The following SGCZ variants were observed in gnomAD, a reference collection of about 807,000 sequenced individuals.
SGCZ encodes zeta-sarcoglycan.
A neutral mutation model predicts 41.3 loss-of-function variants in SGCZ; 40 were observed. The observed-to-expected ratio is 0.97, with a 90% CI of 0.75 to 1.26. The LOEUF is 1.26. Ranked by LOEUF, SGCZ falls within the 50% of genes most tolerant of loss-of-function variation. The pLI is 0.00. For synonymous variants in SGCZ, 206 were observed against 137.5 expected (o/e 1.50, Z -3.49); for missense variants, 552 against 369.8 (o/e 1.49, Z -4.04).
At chr8:14,114,388 T>C (rs976215514) in intron 5 of SGCZ, among the ~76,000 whole-genome samples, 20 of 151,974 alleles carry the variant, frequency 1.3e-4, no homozygotes, top group African/African-American at 4.1e-4. Flanking sequence ...GATTTTTTTC[T>C]AGTGAAACAG....
intron 2 of SGCZ, among the ~76,000 whole-genome samples, chr8:14,454,249 T>G (rs1800679597): frequency 6.6e-6 from 1 of 152,168 alleles, no homozygotes; most frequent in South Asian, 2.1e-4. Flanking sequence ...GAATCTCATT[T>G]TGGGTAGTGG....
At chr8:14,492,115 C>T (rs141021630) in intron 2 of SGCZ, among the ~76,000 whole-genome samples, 76 of 152,006 alleles carry the variant, frequency 5.0e-4, no homozygotes, top group African/African-American at 1.2e-3. Context: ...TTACATAAAG[C>T]GAGAGAATAA....
rs570385712 is a variant in SGCZ, at chr8:15,231,646, G to C, written c.39+5939C>G. On this transcript the variant is annotated intron_variant, in intron 1 of 7. Transcript: ENST00000382080. ...TTTTTTTTTTTTTTTTTTGGAGACA[G>C]GTTCTCACTCTGTCACCCAGGCTGG... is the stretch of plus-strand genomic sequence containing the variant. Among the ~76,000 whole-genome samples, 678 of 118,906 alleles carry C rather than the reference G, an allele frequency of 5.7e-3. 4 individuals are homozygous for C. Among genetic ancestry groups the C allele is most frequent in the African/African-American group, 0.021 (637 of 30,400 alleles). 78.0% of individuals were successfully genotyped at this position (118,906 alleles called of 152,430 possible).
At chr8:14,401,956 C>T (rs1799088844) in intron 2 of SGCZ, among the ~76,000 whole-genome samples, 1 of 151,482 alleles carries the variant, frequency 6.6e-6, no homozygotes, top group Admixed American at 6.6e-5. Flanking sequence ...CCTGTTGTTT[C>T]CTGACTTTTT....
intron 1 of SGCZ, among the ~76,000 whole-genome samples, chr8:15,186,302 T>TAAAAAAAAAAAA (rs1800342203): frequency 1.0e-5 from 1 of 96,602 alleles, no homozygotes; most frequent in Non-Finnish European, 2.2e-5. Flanking sequence ...AAAAAAAAAG[T>TAAAAAAAAAAAA]TAATTTCTCT....
chr8:14,420,188 T>C (rs1012118532), intron 2 of SGCZ, among the ~76,000 whole-genome samples: 1 of 152,068 alleles, frequency 6.6e-6, no homozygotes, highest in African/African-American at 2.4e-5. Context: ...TATTACCCAG[T>C]AATTTGACTC....
At chr8:14,527,029 A>G (rs1802970516) in intron 2 of SGCZ, among the ~76,000 whole-genome samples, 1 of 151,586 alleles carries the variant, frequency 6.6e-6, no homozygotes, top group Non-Finnish European at 1.5e-5. Flanking sequence ...ATTCTGAGAC[A>G]TCTCGTCAAT....
chr8:15,150,036 TCAAA>T (rs1799135626), intron 1 of SGCZ, among the ~76,000 whole-genome samples: 1 of 152,128 alleles, frequency 6.6e-6, no homozygotes. Context: ...AAGCAAGCTG[TCAAA>T]CAGCCACCTG....
At chr8:14,166,570 C>G (rs2116989435) in intron 4 of SGCZ, among the ~76,000 whole-genome samples, 1 of 152,238 alleles carries the variant, frequency 6.6e-6, no homozygotes, top group Middle Eastern at 3.4e-3. Flanking sequence ...ATTTACAGTA[C>G]ATTGCTTCCT....
Position 14,962,044 on chromosome 8 carries a change from T to C in SGCZ, c.39+275541A>G, listed in dbSNP as rs115920937. On this transcript the variant is annotated intron_variant, in intron 1 of 7. Coordinates refer to ENST00000382080, the MANE Select transcript of SGCZ (RefSeq NM_139167.4). ...TAATCTGAAAAACTTTAAGACCAAG[T>C]AATAAGCATTCAATAAACATAGGAC... 4.7e-3 allele frequency among the ~76,000 whole-genome samples: 721 copies of C among 152,232 alleles called. 3 individuals are homozygous for C. The highest frequency in any genetic ancestry group is 0.016 in the African/African-American group (676 of 41,548).
chr8:14,778,287 A>C (rs920756874), intron 1 of SGCZ, among the ~76,000 whole-genome samples: 3 of 152,254 alleles, frequency 2.0e-5, no homozygotes, highest in Non-Finnish European at 2.9e-5. Flanking sequence ...TAAGGTGAAA[A>C]ACTGTCACCC....
chr8:14,800,764 T>G (rs1801296457), intron 1 of SGCZ, among the ~76,000 whole-genome samples: 1 of 152,196 alleles, frequency 6.6e-6, no homozygotes, highest in Admixed American at 6.5e-5. Context: ...CATTTTTTCT[T>G]TATAAATTAC....
chr8:14,760,315 A>T (rs113458293), intron 1 of SGCZ, among the ~76,000 whole-genome samples: 2,203 of 152,324 alleles, frequency 0.014, 24 homozygotes, highest in Middle Eastern at 0.02. Flanking sequence ...TAAATAATTC[A>T]TGGATGCTAT....
At chr8:14,841,286 T>A (rs1417969529) in intron 1 of SGCZ, among the ~76,000 whole-genome samples, 3 of 152,202 alleles carry the variant, frequency 2.0e-5, no homozygotes, top group Middle Eastern at 3.4e-3. Flanking sequence ...CTACAAGCAC[T>A]GGCTCCAAAG....
intron 2 of SGCZ, among the ~76,000 whole-genome samples, chr8:14,461,313 A>G (rs915396496): frequency 1.3e-5 from 2 of 152,154 alleles, no homozygotes; most frequent in Non-Finnish European, 2.9e-5. Flanking sequence ...TAGTTTTAGC[A>G]TTCTGTTCTA....
intron 3 of SGCZ, among the ~76,000 whole-genome samples, chr8:14,240,327 C>CAAAAAAAAAAAAAAAAAAAAAAAAAAAAA (rs59351247): frequency 2.2e-4 from 25 of 115,230 alleles, no homozygotes; most frequent in Non-Finnish European, 2.8e-4. Context: ...AACTCTGTGT[C>CAAAAAAAAAAAAAAAAAAAAAAAAAAAAA]AAAAAAAAAA....
rs193153049 is a variant in SGCZ at position 14,398,467 on chromosome 8, C to A, written c.235-74263G>T. ...AACCATTTATTCATAACGTGGCCAG[C>A]CTTTGGCCAACAATTATAGAACTTT... On this transcript the variant is annotated intron_variant, in intron 2 of 7. Transcript: ENST00000382080. Among the ~76,000 whole-genome samples, 32 of 152,152 alleles carry A rather than the reference C, an allele frequency of 2.1e-4. No individual in the cohort carries two copies. The East Asian group carries it at 3.9e-3, about 18-fold the overall frequency.
At chr8:15,129,930 G>A (rs1293355055) in intron 1 of SGCZ, among the ~76,000 whole-genome samples, 1 of 151,812 alleles carries the variant, frequency 6.6e-6, no homozygotes, top group Admixed American at 6.6e-5. Context: ...TCCCACATAT[G>A]CATATATACA....
chr8:14,215,443 T>A (rs1457705987), intron 4 of SGCZ, among the ~76,000 whole-genome samples: 1 of 151,926 alleles, frequency 6.6e-6, no homozygotes, highest in Non-Finnish European at 1.5e-5. Context: ...ATAATCTAAG[T>A]TCTTACTTCT....
Sources: allele counts gnomAD v4.1 joint callset (sites outside exome capture counted in the v4.1 genomes callset), GRCh38; gene constraint gnomAD v4.1.1; transcripts MANE v1.5; gene names NCBI Gene and HGNC (gene_info 2026-07-23, HGNC 2026-07-21).